FAM13A: variants seen among roughly 807,000 people sequenced by gnomAD.
FAM13A encodes the protein family with sequence similarity 13 member A, also known as protein FAM13A.
In FAM13A, 76 loss-of-function variants were observed where a neutral mutation model predicts 129.6. The observed-to-expected ratio is 0.59, with a 90% CI of 0.49 to 0.71. FAM13A has a LOEUF of 0.71. Among genes scored for constraint, FAM13A ranks in the 30% least tolerant of loss-of-function variants. The probability of loss-of-function intolerance (pLI) is 0.00; values close to 1 mark genes in which losing one functional copy is unlikely to be tolerated. For missense variants in FAM13A, 1,108 were observed against 1,249.3 expected (o/e 0.89, Z 1.70); for synonymous variants, 443 against 449.9 (o/e 0.98, Z 0.20).
chr4:88,789,498 C>T (rs1578666115), intron 9 of FAM13A, among the ~76,000 whole-genome samples: 1 of 152,120 alleles, frequency 6.6e-6, no homozygotes, highest in South Asian at 2.1e-4. Flanking sequence ...CCACTCATGT[C>T]CCAGCAAGTA....
At position 88,859,936 on chromosome 4, in the gene FAM13A, G is replaced by A. The variant is rs377391431; in HGVS notation, c.844-8753C>T. ...GCCTGTAAGTCTTCAACACAGAAGA[G>A]GCAATTAATGAATATTCAAAATACT... On this transcript the variant is annotated intron_variant, in intron 6 of 23. Transcript: ENST00000264344. Among the ~76,000 whole-genome samples the A allele has an allele frequency of 8.7e-4, 132 of 152,184 alleles. 1 individual carries two copies. Among genetic ancestry groups the A allele is most frequent in the South Asian group, 6.2e-3 (30 of 4,822 alleles).
chr4:88,846,408 C>T (rs1382141288), intron 7 of FAM13A, among the ~76,000 whole-genome samples: 1 of 152,212 alleles, frequency 6.6e-6, no homozygotes, highest in Non-Finnish European at 1.5e-5. Flanking sequence ...AAACAAAGAG[C>T]TTTTCCCCCT....
intron 6 of FAM13A, among the ~76,000 whole-genome samples, chr4:88,887,585 C>A (rs964575652): frequency 6.8e-5 from 10 of 146,130 alleles, no homozygotes; most frequent in African/African-American, 1.8e-4. Context: ...GGCTGGAGTG[C>A]AGTAGCATGA....
At chr4:88,840,173 T>G (rs1485143888) in intron 7 of FAM13A, among the ~76,000 whole-genome samples, 6 of 151,898 alleles carry the variant, frequency 4.0e-5, no homozygotes, top group Non-Finnish European at 5.9e-5. Flanking sequence ...CAAAAAGGAG[T>G]GATCAGTTGG....
chr4:88,886,779 T>C (rs1193001921), intron 6 of FAM13A, among the ~76,000 whole-genome samples: 4 of 151,548 alleles, frequency 2.6e-5, no homozygotes. Flanking sequence ...TGGTGACGCA[T>C]GCCTGTAATC....
At chr4:88,904,903 A>G in intron 6 of FAM13A, among the ~76,000 whole-genome samples, 1 of 152,218 alleles carries the variant, frequency 6.6e-6, no homozygotes. Context: ...TATCTATAAT[A>G]GTTTTTATTT....
chr4:88,748,332 A>G (rs1471386909), intron 17 of FAM13A, among the ~76,000 whole-genome samples: 1 of 152,092 alleles, frequency 6.6e-6, no homozygotes, highest in Non-Finnish European at 1.5e-5. Flanking sequence ...GAATGGTAAC[A>G]TTTTCTTTGA....
intron 3 of FAM13A, among the ~76,000 whole-genome samples, chr4:88,994,652 C>G (rs891034603): frequency 3.3e-5 from 5 of 152,156 alleles, no homozygotes; most frequent in South Asian, 2.1e-4. Flanking sequence ...CCAGCCTGGG[C>G]AACATAGCGA....
intron 1 of FAM13A, among the ~76,000 whole-genome samples, chr4:89,051,172 AATTT>A (rs2149182880): frequency 6.6e-6 from 1 of 152,308 alleles, no homozygotes; most frequent in East Asian, 1.9e-4. Context: ...AAATGAAAGA[AATTT>A]ATTTCTCACA....
intron 5 of FAM13A, among the ~76,000 whole-genome samples, chr4:88,914,635 C>CTT (rs1749781868): frequency 6.6e-6 from 1 of 152,160 alleles, no homozygotes; most frequent in Non-Finnish European, 1.5e-5. Context: ...TAAAGTGGCT[C>CTT]CTCTAACTAT....
At chr4:88,964,837 G>A (rs4693980) in intron 4 of FAM13A, among the ~76,000 whole-genome samples, 88,940 of 151,752 alleles carry the variant, frequency 0.59, 26,345 homozygotes, top group African/African-American at 0.68. Flanking sequence ...CACATTGGCC[G>A]GGCTGGTCTC....
intron 3 of FAM13A, among the ~76,000 whole-genome samples, chr4:89,010,918 G>A (rs945520488): frequency 3.3e-5 from 5 of 151,868 alleles, no homozygotes. Flanking sequence ...GTGCGATCTC[G>A]GTTCACTGCA....
chr4:88,730,784 C>T (rs578256282), intron 23 of FAM13A, among the ~76,000 whole-genome samples: 4 of 152,168 alleles, frequency 2.6e-5, no homozygotes, highest in African/African-American at 9.7e-5. Flanking sequence ...ATACTTAGAT[C>T]TCTCTTTCCC....
At chr4:88,957,319 ACT>A (rs556701157) in intron 4 of FAM13A, among the ~76,000 whole-genome samples, 30 of 149,966 alleles carry the variant, frequency 2.0e-4, no homozygotes, top group African/African-American at 7.3e-4. Context: ...ACAGAGCGAG[ACT>A]CTGTCTCAAA....
At chr4:88,934,728 C>T (rs1579356699) in intron 5 of FAM13A, among the ~76,000 whole-genome samples, 1 of 152,226 alleles carries the variant, frequency 6.6e-6, no homozygotes, top group South Asian at 2.1e-4. Flanking sequence ...AAAAACAAAA[C>T]TAATGAAAGA....
chr4:89,025,245 G>GTTTTTT (rs56710705), intron 2 of FAM13A, among the ~76,000 whole-genome samples: 802 of 61,382 alleles, frequency 0.013, 165 homozygotes, highest in Non-Finnish European at 0.019. Flanking sequence ...TGGAATCATT[G>GTTTTTT]TTTTTTTTTT....
chr4:89,029,423 T>C, intron 2 of FAM13A, 37 bp downstream of exon 2: 1 of 1,501,422 alleles, frequency 6.7e-7, no homozygotes, highest in South Asian at 1.2e-5. Flanking sequence ...TGCAAGGGAC[T>C]GTGAAAATGA....
At chr4:88,868,775 T>C (rs755256558) in intron 6 of FAM13A, among the ~76,000 whole-genome samples, 77 of 152,192 alleles carry the variant, frequency 5.1e-4, no homozygotes, top group Non-Finnish European at 7.2e-4. Context: ...GGCTAGTCAA[T>C]ACATATATAA....
At chr4:88,873,207 C>T (rs1258286773) in intron 6 of FAM13A, among the ~76,000 whole-genome samples, 1 of 152,052 alleles carries the variant, frequency 6.6e-6, no homozygotes, top group Non-Finnish European at 1.5e-5. Flanking sequence ...AAAATTGACA[C>T]CCTAACATCA....
Sources: gnomAD v4.1 joint callset for allele counts (sites outside exome capture counted in the v4.1 genomes callset) on GRCh38, gnomAD v4.1.1 for gene constraint, MANE v1.5 for transcripts, NCBI Gene and HGNC (gene_info 2026-07-23, HGNC 2026-07-21) for gene names.